RGS6: variants seen among roughly 807,000 people sequenced by gnomAD.
RGS6 encodes regulator of G-protein signaling 6.
RGS6 carries 30 observed loss-of-function variants against 78.5 expected under a neutral mutation model. The ratio of observed to expected loss-of-function variants is 0.38; its 90% confidence interval spans 0.29 to 0.52. RGS6 has a LOEUF of 0.52. Among genes scored for constraint, RGS6 ranks in the 20% least tolerant of loss-of-function variants. RGS6 has a pLI of 0.85. For missense variants in RGS6, 495 were observed against 609.7 expected (o/e 0.81, Z 1.98); for synonymous variants, 206 against 206.0 (o/e 1.00, Z 0.00).
chr14:72,215,118 G>A (rs1308547902), intron 2 of RGS6, among the ~76,000 whole-genome samples: 2 of 152,180 alleles, frequency 1.3e-5, no homozygotes, highest in Admixed American at 1.3e-4. Flanking sequence ...GTCACTGTCA[G>A]ACTCTACAAC....
chr14:72,500,670 C>T (rs1371663055), intron 13 of RGS6, among the ~76,000 whole-genome samples: 1 of 152,124 alleles, frequency 6.6e-6, no homozygotes, highest in Non-Finnish European at 1.5e-5. Context: ...AAGGTAAGGC[C>T]CTAAGGGCAG....
chr14:72,382,231 G>A (rs1436461974), intron 3 of RGS6, among the ~76,000 whole-genome samples: 1 of 151,922 alleles, frequency 6.6e-6, no homozygotes, highest in Non-Finnish European at 1.5e-5. Flanking sequence ...ATATATAAAA[G>A]ACTTCTAAAA....
intron 3 of RGS6, among the ~76,000 whole-genome samples, chr14:72,386,074 A>G (rs549058753): frequency 2.0e-5 from 3 of 152,194 alleles, no homozygotes; most frequent in Non-Finnish European, 4.4e-5. Context: ...TTTCTTAGGC[A>G]TGGGCAGGAT....
the RGS6 span, among the ~76,000 whole-genome samples, chr14:71,881,999 G>C: frequency 6.6e-6 from 1 of 152,152 alleles, no homozygotes; most frequent in Non-Finnish European, 1.5e-5. Flanking sequence ...GTGCAATTCA[G>C]TGGCATTAAG....
the RGS6 span, among the ~76,000 whole-genome samples, chr14:72,614,843 G>A: frequency 3.4e-5 from 5 of 147,600 alleles, no homozygotes; most frequent in African/African-American, 1.3e-4. Context: ...CTTAGCTCGA[G>A]GATTTCTCCC....
chr14:72,469,937 A>G (rs2096027460), intron 7 of RGS6, 70 bp from the exon 8 acceptor site: 3 of 1,110,144 alleles, frequency 2.7e-6, no homozygotes. Flanking sequence ...ATGCCTTATA[A>G]TAAGCATAGG....
intron 2 of RGS6, among the ~76,000 whole-genome samples, chr14:72,223,648 C>T (rs1489841512): frequency 1.3e-5 from 2 of 152,140 alleles, no homozygotes; most frequent in South Asian, 2.1e-4. Context: ...AGACAAGGGC[C>T]ACTTAGAAGG....
intron 2 of RGS6, among the ~76,000 whole-genome samples, chr14:72,300,435 G>A (rs1327539316): frequency 1.3e-5 from 2 of 152,328 alleles, no homozygotes; most frequent in East Asian, 1.9e-4. Flanking sequence ...ACAGTACAAT[G>A]TACCTGCAGA....
chr14:71,951,036 A>G (rs539804481), intron 1 of RGS6, among the ~76,000 whole-genome samples: 36 of 152,186 alleles, frequency 2.4e-4, no homozygotes, highest in Non-Finnish European at 4.9e-4. Flanking sequence ...ATACCATTTG[A>G]CCCAGCAATC....
intron 2 of RGS6, among the ~76,000 whole-genome samples, chr14:72,348,472 G>T (rs2078481629): frequency 6.6e-6 from 1 of 152,180 alleles, no homozygotes. Flanking sequence ...CAGTTCCTGA[G>T]AGCCCACTTG....
intron 2 of RGS6, among the ~76,000 whole-genome samples, chr14:72,160,072 T>A (rs774541822): frequency 6.6e-6 from 1 of 152,230 alleles, no homozygotes; most frequent in African/African-American, 2.4e-5. Context: ...CTACTTAACT[T>A]TGTACTAAAT....
At chr14:72,615,024 C>A in the RGS6 span, among the ~76,000 whole-genome samples, 208 of 150,714 alleles carry the variant, frequency 1.4e-3, no homozygotes, top group African/African-American at 4.7e-3. Flanking sequence ...CTGGGACTTG[C>A]GGCATCCTGT....
chr14:72,183,569 T>A (rs1466992111), intron 2 of RGS6, among the ~76,000 whole-genome samples: 1 of 152,222 alleles, frequency 6.6e-6, no homozygotes, highest in African/African-American at 2.4e-5. Flanking sequence ...ACAGTTCCAA[T>A]TGGTACATAA....
At chr14:72,243,219 A>G (rs2053370790) in intron 2 of RGS6, among the ~76,000 whole-genome samples, 1 of 151,812 alleles carries the variant, frequency 6.6e-6, no homozygotes, top group African/African-American at 2.4e-5. Flanking sequence ...ACTATTTTGG[A>G]TAAATAGTCA....
intron 2 of RGS6, among the ~76,000 whole-genome samples, chr14:72,341,835 G>C (rs2077064234): frequency 6.6e-6 from 1 of 152,150 alleles, no homozygotes; most frequent in Non-Finnish European, 1.5e-5. Context: ...CGTCAGAAAG[G>C]AAATGAACCA....
At chr14:72,106,761 G>A (rs1259580824) in intron 2 of RGS6, among the ~76,000 whole-genome samples, 3 of 152,172 alleles carry the variant, frequency 2.0e-5, no homozygotes, top group African/African-American at 7.2e-5. Flanking sequence ...AACTTGGACT[G>A]TTAGACCTGT....
At chr14:72,594,595 T>A in the RGS6 span, 3 of 152,208 alleles carry the variant, frequency 2.0e-5, no homozygotes, top group Non-Finnish European at 2.9e-5. Flanking sequence ...GAAAAACTTT[T>A]TGCTGGTTAC....
At chr14:72,570,320 G>A (rs2097718837), downstream of RGS6, among the ~76,000 whole-genome samples, 1 of 152,114 alleles carries the variant, frequency 6.6e-6, no homozygotes, top group Admixed American at 6.5e-5. Flanking sequence ...TCAGATTTTG[G>A]TATCCGTGGG....
chr14:72,558,031 G>A (rs1448291786), intron 17 of RGS6, among the ~76,000 whole-genome samples: 1 of 151,942 alleles, frequency 6.6e-6, no homozygotes, highest in African/African-American at 2.4e-5. Context: ...ACGGTAAAAT[G>A]AACAGACCTG....
Sources: allele counts gnomAD v4.1 joint callset (sites outside exome capture counted in the v4.1 genomes callset), GRCh38; gene constraint gnomAD v4.1.1; transcripts MANE v1.5; gene names NCBI Gene and HGNC (gene_info 2026-07-23, HGNC 2026-07-21).